SYDE2: variants seen among roughly 807,000 people sequenced by gnomAD.
SYDE2 encodes the protein rho GTPase-activating protein SYDE2.
A neutral mutation model predicts 91.5 loss-of-function variants in SYDE2; 76 were observed. The ratio of observed to expected loss-of-function variants is 0.83; its 90% confidence interval spans 0.69 to 1.01. The LOEUF is 1.01. Among genes scored for constraint, SYDE2 ranks in the 50% least tolerant of loss-of-function variants. The pLI is 0.00. For missense variants in SYDE2, 1,364 were observed against 1,367.7 expected (o/e 1.00, Z 0.04); for synonymous variants, 513 against 506.4 (o/e 1.01, Z -0.18).
chr1:85,168,070 G>A (rs1054915077), intron 5 of SYDE2, among the ~76,000 whole-genome samples: 26 of 150,646 alleles, frequency 1.7e-4, no homozygotes, highest in African/African-American at 5.6e-4. Flanking sequence ...AGCTGAGATC[G>A]CACCACTGCA....
intron 6 of SYDE2, 58 bp downstream of exon 6, chr1:85,164,468 T>C (rs1657191932): frequency 8.5e-7 from 1 of 1,177,114 alleles, no homozygotes; most frequent in Non-Finnish European, 1.1e-6. Flanking sequence ...ATTTAATGAT[T>C]AGTTAATTCA....
At position 85,157,331 on chromosome 1, in the gene SYDE2, A is replaced by G. The variant is rs908638863; in HGVS notation, c.*1419T>C. 1.3e-5 allele frequency: 2 copies of G among 152,122 alleles called. No homozygotes were observed. Among genetic ancestry groups the G allele is most frequent in the Admixed American group, 6.5e-5 (1 of 15,284 alleles). The allele number at this position is 152,122 out of a possible 1,614,324, so 9.4% of individuals were successfully genotyped here. On this transcript the variant is annotated 3_prime_UTR_variant, in exon 7 of 7. Coordinates refer to ENST00000341460, the MANE Select transcript of SYDE2 (RefSeq NM_032184.2). ...AAAGCCTTCTAAATTTACATTTTCAAACATTACTGTGATTCTATAACATTG... is the reference window on the plus strand; with the variant it reads ...AAAGCCTTCTAAATTTACATTTTCAGACATTACTGTGATTCTATAACATTG...
intron 3 of SYDE2, among the ~76,000 whole-genome samples, chr1:85,180,035 A>G (rs1013946042): frequency 6.6e-5 from 10 of 152,200 alleles, no homozygotes; most frequent in Non-Finnish European, 1.2e-4. Flanking sequence ...GATATCTTGA[A>G]TCAAACCCTT....
intron 2 of SYDE2, among the ~76,000 whole-genome samples, chr1:85,186,468 C>T (rs946273601): frequency 6.6e-6 from 1 of 152,080 alleles, no homozygotes. Flanking sequence ...CAATGCCATC[C>T]CCATCAAGCT....
At chr1:85,172,030 C>T (rs1213567759) in intron 4 of SYDE2, among the ~76,000 whole-genome samples, 3 of 152,020 alleles carry the variant, frequency 2.0e-5, no homozygotes, top group African/African-American at 7.2e-5. Flanking sequence ...TTTCAAGGTT[C>T]AGGAGAGAGG....
intron 2 of SYDE2, among the ~76,000 whole-genome samples, chr1:85,188,427 C>T (rs1410158530): frequency 6.6e-6 from 1 of 152,206 alleles, no homozygotes; most frequent in African/African-American, 2.4e-5. Context: ...TCATACAGTA[C>T]ACATTGTTTT....
chr1:85,193,058 C>CA (rs1291337997), intron 1 of SYDE2, among the ~76,000 whole-genome samples: 1 of 152,226 alleles, frequency 6.6e-6, no homozygotes, highest in African/African-American at 2.4e-5. Context: ...AGGCAGCACT[C>CA]AAACTTATTC....
At chr1:85,183,484 CA>C in intron 2 of SYDE2, among the ~76,000 whole-genome samples, 1 of 152,184 alleles carries the variant, frequency 6.6e-6, no homozygotes, top group South Asian at 2.1e-4. Context: ...ATGTATGTAA[CA>C]CAACATTTCA....
intron 4 of SYDE2, among the ~76,000 whole-genome samples, chr1:85,170,203 C>G (rs1657454680): frequency 6.7e-6 from 1 of 150,198 alleles, no homozygotes; most frequent in Non-Finnish European, 1.5e-5. Flanking sequence ...TAGGCTCAAG[C>G]AATCCTCCCA....
At chr1:85,184,459 A>C (rs1167195844) in intron 2 of SYDE2, among the ~76,000 whole-genome samples, 1 of 152,234 alleles carries the variant, frequency 6.6e-6, no homozygotes, top group African/African-American at 2.4e-5. Flanking sequence ...ATTAGGGCAC[A>C]TCAACGCAGT....
Position 85,182,608 on chromosome 1 carries a change from T to C in SYDE2, c.2034A>G (p.Ile678Met). 6.2e-7 allele frequency: 1 copy of C among 1,613,936 alleles called. No individual in the cohort carries two copies. The highest frequency in any genetic ancestry group is 8.5e-7 in the Non-Finnish European group (1 of 1,179,862). Residue 678 changes from isoleucine (I) to methionine (M), a missense_variant, in exon 3 of 7, where the codon ATA (isoleucine) becomes ATG (methionine). Ile to Met is a conservative substitution (Grantham distance 10). Coordinates refer to ENST00000341460, the MANE Select transcript of SYDE2 (RefSeq NM_032184.2). ...FSDQPKCSQY[I>M]SGLMSVHFYG... Reference sequence around the variant, plus strand: ...AGAAATGTACACTCATGAGCCCAGATATGTACTGTGAACACTTAGGTTGAT... The same window carrying C: ...AGAAATGTACACTCATGAGCCCAGACATGTACTGTGAACACTTAGGTTGAT...
intron 1 of SYDE2, 134 bp downstream of exon 1, chr1:85,200,118 T>G: frequency 6.6e-7 from 1 of 1,515,118 alleles, no homozygotes; most frequent in Non-Finnish European, 8.8e-7. Flanking sequence ...AAGCTGCCAC[T>G]TACATGACAC....
chr1:85,187,951 C>A (rs1404529792), intron 2 of SYDE2, among the ~76,000 whole-genome samples: 1 of 151,630 alleles, frequency 6.6e-6, no homozygotes, highest in Non-Finnish European at 1.5e-5. Context: ...ATCAGCATGG[C>A]ACAAGTATAC....
chr1:85,160,073 T>C (rs1280188143), intron 6 of SYDE2: 6 of 984,276 alleles, frequency 6.1e-6, no homozygotes, highest in East Asian at 1.1e-4. Flanking sequence ...CTATTCTGTA[T>C]ATAAAATAGA....
At chr1:85,199,359 A>C (rs1374692129) in intron 1 of SYDE2, among the ~76,000 whole-genome samples, 1 of 152,206 alleles carries the variant, frequency 6.6e-6, no homozygotes, top group East Asian at 1.9e-4. Flanking sequence ...AGATATTTTG[A>C]TATTTACAAC....
intron 2 of SYDE2, among the ~76,000 whole-genome samples, chr1:85,186,452 T>C (rs556426795): frequency 1.6e-4 from 25 of 152,260 alleles, no homozygotes; most frequent in East Asian, 3.9e-4. Context: ...AGGTAATTAA[T>C]AGATTCAATG....
At chr1:85,156,788 G>A (rs1656892558), downstream of SYDE2, 1 of 151,968 alleles carries the variant, frequency 6.6e-6, no homozygotes, top group Non-Finnish European at 1.5e-5. Flanking sequence ...ATACATGATG[G>A]TCCAAAATTT....
At position 85,157,450 on chromosome 1, in the gene SYDE2, A is replaced by C. The variant is rs921930136; in HGVS notation, c.*1300T>G. On this transcript the variant is annotated 3_prime_UTR_variant, in exon 7 of 7. Transcript: ENST00000341460. Reference sequence around the variant, plus strand: ...TTAGAAACAAATGGGGGTAATTATAAAGTCAATGTTATAAATGTACTACTA... The same window carrying C: ...TTAGAAACAAATGGGGGTAATTATACAGTCAATGTTATAAATGTACTACTA... 1.2e-4 allele frequency: 19 copies of C among 152,158 alleles called. No homozygotes were observed. The highest frequency in any genetic ancestry group is 9.2e-4 in the Admixed American group (14 of 15,282). 9.4% of individuals were successfully genotyped at this position (152,158 alleles called of 1,614,324 possible). A position where few individuals can be genotyped will look rare whatever the true frequency, so the allele number is the denominator to read the frequency against.
At chr1:85,183,578 A>AG (rs1658017365) in intron 2 of SYDE2, among the ~76,000 whole-genome samples, 1 of 4,876 alleles carries the variant, frequency 2.1e-4, no homozygotes, top group African/African-American at 2.3e-4. Flanking sequence ...TTCTCCCTCC[A>AG]CCCCATGTGT....
Sources: allele counts gnomAD v4.1 joint callset (sites outside exome capture counted in the v4.1 genomes callset), GRCh38; gene constraint gnomAD v4.1.1; transcripts MANE v1.5; gene names NCBI Gene and HGNC (gene_info 2026-07-23, HGNC 2026-07-21).